CDH13: variants seen among roughly 807,000 people sequenced by gnomAD.
CDH13 encodes cadherin-13.
CDH13 carries 24 observed loss-of-function variants against 63.8 expected under a neutral mutation model. The observed-to-expected ratio is 0.38, with a 90% CI of 0.27 to 0.53. The LOEUF is 0.53. Among genes scored for constraint, CDH13 ranks in the 20% least tolerant of loss-of-function variants. The pLI is 0.85. For missense variants in CDH13, 1,049 were observed against 903.1 expected (o/e 1.16, Z -2.07); for synonymous variants, 503 against 355.3 (o/e 1.42, Z -4.67).
At chr16:82,777,230 A>T (rs1375613240) in intron 1 of CDH13, among the ~76,000 whole-genome samples, 1 of 152,160 alleles carries the variant, frequency 6.6e-6, no homozygotes, top group African/African-American at 2.4e-5. Context: ...CCACTTTCCA[A>T]AGTGCTAGGA....
intron 9 of CDH13, among the ~76,000 whole-genome samples, chr16:83,671,212 A>C (rs1195883491): frequency 6.6e-6 from 1 of 152,168 alleles, no homozygotes; most frequent in African/African-American, 2.4e-5. Context: ...CTTATGTGTA[A>C]CTTTAAGAAA....
chr16:83,697,404 G>A (rs182006234), intron 10 of CDH13, among the ~76,000 whole-genome samples: 2 of 152,350 alleles, frequency 1.3e-5, no homozygotes. Context: ...GTGCGGAAGT[G>A]CTGTCCAGCG....
intron 1 of CDH13, among the ~76,000 whole-genome samples, chr16:82,662,881 C>G (rs552510361): frequency 1.0e-3 from 153 of 148,208 alleles, no homozygotes; most frequent in Middle Eastern, 3.6e-3. Context: ...CGTGGGCATG[C>G]CTGTGTGTCT....
intron 5 of CDH13, among the ~76,000 whole-genome samples, chr16:83,282,198 A>G (rs2089195301): frequency 6.6e-6 from 1 of 152,180 alleles, no homozygotes; most frequent in Non-Finnish European, 1.5e-5. Context: ...TGGTACCCCA[A>G]AACAGATACA....
chr16:83,297,975 C>T (rs979793452), intron 5 of CDH13, among the ~76,000 whole-genome samples: 2 of 150,344 alleles, frequency 1.3e-5, no homozygotes, highest in Non-Finnish European at 1.5e-5. Flanking sequence ...CTTTAGGAGG[C>T]CGAGGCAGGA....
intron 6 of CDH13, among the ~76,000 whole-genome samples, chr16:83,432,218 T>A (rs563238220): frequency 6.6e-6 from 1 of 152,264 alleles, no homozygotes; most frequent in Non-Finnish European, 1.5e-5. Context: ...TTGTCATGCA[T>A]TTGGAATAAG....
In CDH13 at chr16:83,047,237, A is replaced by ATTT. The variant is rs759038532; in HGVS notation, c.366+15020_366+15022dup. On this transcript the variant is annotated intron_variant, in intron 3 of 13. Transcript: ENST00000567109. The surrounding 1 kb of genome is among the most constrained non-coding windows in gnomAD (Gnocchi z 4.9). Reference sequence around the variant, plus strand: ...TCACTCTTACTCCAGAGGCCTGTGTATTTATTTATTTATTTATTTTTTTGG... The same window carrying ATTT: ...TCACTCTTACTCCAGAGGCCTGTGTATTTTTTATTTATTTATTTATTTTTTTGG... Among the ~76,000 whole-genome samples the ATTT allele has an allele frequency of 2.0e-5, 3 of 151,762 alleles. No homozygotes were observed. Among genetic ancestry groups the ATTT allele is most frequent in the Non-Finnish European group, 4.4e-5 (3 of 67,804 alleles).
chr16:83,040,719 A>G (rs1009059626), intron 3 of CDH13, among the ~76,000 whole-genome samples: 2 of 152,162 alleles, frequency 1.3e-5, no homozygotes, highest in South Asian at 2.1e-4. Context: ...CCGGGGAACA[A>G]TATTTTGCAT....
At chr16:83,268,938 A>C (rs2088708839) in intron 5 of CDH13, among the ~76,000 whole-genome samples, 1 of 65,400 alleles carries the variant, frequency 1.5e-5, no homozygotes, top group Non-Finnish European at 3.3e-5. Flanking sequence ...CAAAGACCAG[A>C]GCAGAGAGAT....
intron 13 of CDH13, among the ~76,000 whole-genome samples, chr16:83,790,554 C>G (rs1249862678): frequency 4.6e-5 from 7 of 152,184 alleles, no homozygotes; most frequent in African/African-American, 1.4e-4. Context: ...CGCCCGCCAC[C>G]ATGCCTGGCT....
intron 10 of CDH13, among the ~76,000 whole-genome samples, chr16:83,712,440 C>A (rs1908208102): frequency 6.6e-6 from 1 of 152,192 alleles, no homozygotes; most frequent in Non-Finnish European, 1.5e-5. Flanking sequence ...GAAAAAAATG[C>A]AAGCAAAATA....
At chr16:83,471,608 T>C (rs2073455202) in intron 6 of CDH13, among the ~76,000 whole-genome samples, 1 of 152,166 alleles carries the variant, frequency 6.6e-6, no homozygotes, top group African/African-American at 2.4e-5. Flanking sequence ...CCTTTGTAAC[T>C]GTGAAGCGAC....
intron 10 of CDH13, among the ~76,000 whole-genome samples, chr16:83,719,850 T>C (rs748888058): frequency 9.2e-5 from 14 of 152,076 alleles, no homozygotes; most frequent in African/African-American, 1.2e-4. Flanking sequence ...CCCCACTCAC[T>C]GTGGGGCAGA....
intron 6 of CDH13, among the ~76,000 whole-genome samples, chr16:83,447,124 T>TTTTTTTTTTTTTG: frequency 7.6e-6 from 1 of 130,812 alleles, no homozygotes; most frequent in Non-Finnish European, 1.6e-5. Flanking sequence ...TTTTTTTTTT[T>TTTTTTTTTTTTTG]TTGGTTTGTG....
chr16:82,635,817 G>A (rs146791212), intron 1 of CDH13, among the ~76,000 whole-genome samples: 231 of 152,226 alleles, frequency 1.5e-3, no homozygotes, highest in African/African-American at 5.4e-3. Context: ...ATCAGAGGGC[G>A]GATTTCTCCT....
In CDH13 at chr16:83,471,268, A is replaced by G. The variant is rs140281922; in HGVS notation, c.782-15209A>G. Among the ~76,000 whole-genome samples the G allele has an allele frequency of 4.1e-3, 517 of 126,728 alleles. 2 individuals are homozygous for G. Among genetic ancestry groups the G allele is most frequent in the African/African-American group, 0.014 (495 of 34,286 alleles). 83.1% of individuals were successfully genotyped at this position (126,728 alleles called of 152,430 possible). ...GAATGTTTGGGACCATTATTTTTCT[A>G]ACCACCCTTTTTTTTTTTTTTTTTG... is the stretch of plus-strand genomic sequence containing the variant. On this transcript the variant is annotated intron_variant, in intron 6 of 13. Transcript: ENST00000567109.
intron 4 of CDH13, among the ~76,000 whole-genome samples, chr16:83,209,598 A>G (rs2039281329): frequency 1.3e-5 from 2 of 152,210 alleles, no homozygotes; most frequent in African/African-American, 4.8e-5. Flanking sequence ...ATAATCATAT[A>G]AAAACAGGCA....
intron 10 of CDH13, among the ~76,000 whole-genome samples, chr16:83,724,762 G>A (rs1463643576): frequency 2.0e-5 from 3 of 152,184 alleles, no homozygotes; most frequent in Non-Finnish European, 4.4e-5. Flanking sequence ...TCAGGAGCAA[G>A]ATGATTGATG....
intron 4 of CDH13, among the ~76,000 whole-genome samples, chr16:83,211,797 G>C (rs1284774948): frequency 6.6e-6 from 1 of 151,886 alleles, no homozygotes; most frequent in African/African-American, 2.4e-5. Context: ...TCTTTACCCA[G>C]GTATGAGGCA....
Sources: gnomAD v4.1 joint callset for allele counts (sites outside exome capture counted in the v4.1 genomes callset) on GRCh38, gnomAD v4.1.1 for gene constraint, Gnocchi (gnomAD v3.1) non-coding constraint, MANE v1.5 for transcripts, NCBI Gene and HGNC (gene_info 2026-07-23, HGNC 2026-07-21) for gene names.